Variants in SNX10 observed in about 807,000 individuals in gnomAD.
SNX10 encodes sorting nexin-10.
A neutral mutation model predicts 28.5 loss-of-function variants in SNX10; 25 were observed. That is an observed-to-expected ratio of 0.88 (90% CI 0.64 to 1.22). The LOEUF is 1.22. Ranked by LOEUF, SNX10 falls within the 50% of genes most tolerant of loss-of-function variation. The pLI is 0.00. For synonymous variants in SNX10, 62 were observed against 81.4 expected, an observed-to-expected ratio of 0.76 and a Z score of 1.28; for missense variants, 223 against 242.6, an observed-to-expected ratio of 0.92 and a Z score of 0.54.
intron 1 of SNX10, among the ~76,000 whole-genome samples, chr7:26,306,285 G>A (rs1175876915): frequency 1.3e-5 from 2 of 152,162 alleles, no homozygotes; most frequent in Non-Finnish European, 2.9e-5. Context: ...TTGGACATCC[G>A]TGAGTAAATG....
chr7:26,323,852 G>A (rs1787398462), intron 1 of SNX10, among the ~76,000 whole-genome samples: 1 of 152,268 alleles, frequency 6.6e-6, no homozygotes, highest in African/African-American at 2.4e-5. Flanking sequence ...GTGCCAACAG[G>A]ACATGTATCT....
At chr7:26,361,984 A>G (rs540904264) in intron 3 of SNX10, among the ~76,000 whole-genome samples, 227 of 152,374 alleles carry the variant, frequency 1.5e-3, no homozygotes, top group African/African-American at 5.3e-3. Context: ...GCACAAGTGA[A>G]GTAAAATTTA....
intron 2 of SNX10, among the ~76,000 whole-genome samples, chr7:26,351,064 ATATATG>A (rs1432942079): frequency 1.3e-5 from 2 of 152,168 alleles, no homozygotes; most frequent in Admixed American, 1.3e-4. Flanking sequence ...CTTTTTCTAT[ATATATG>A]TATATGTCAT....
intron 1 of SNX10, among the ~76,000 whole-genome samples, chr7:26,315,406 T>C (rs2127998865): frequency 6.6e-6 from 1 of 152,274 alleles, no homozygotes; most frequent in South Asian, 2.1e-4. Flanking sequence ...TGGTGGCTCA[T>C]GCCTGTAATC....
chr7:26,346,494 TA>T, intron 2 of SNX10, 28 bp downstream of exon 2: 1 of 1,551,690 alleles, frequency 6.4e-7, no homozygotes, highest in Middle Eastern at 1.7e-4. Flanking sequence ...CAAAAATAAA[TA>T]ACCCACTTAT....
chr7:26,344,087 C>T (rs1301838459), intron 1 of SNX10, among the ~76,000 whole-genome samples: 1 of 152,038 alleles, frequency 6.6e-6, no homozygotes, highest in African/African-American at 2.4e-5. Flanking sequence ...TTTCATCTTG[C>T]ACAACTGAAA....
intron 1 of SNX10, among the ~76,000 whole-genome samples, chr7:26,313,866 G>C: frequency 6.6e-6 from 1 of 152,220 alleles, no homozygotes; most frequent in Middle Eastern, 3.4e-3. Context: ...TGCAGTGGAG[G>C]CGCGATCTCG....
chr7:26,363,712 A>G (rs2128023546), intron 3 of SNX10, among the ~76,000 whole-genome samples: 1 of 152,340 alleles, frequency 6.6e-6, no homozygotes, highest in Non-Finnish European at 1.5e-5. Flanking sequence ...TGGGGACACC[A>G]TCGGTGGCTT....
rs1185591169 is a variant in SNX10 at position 26,351,646 on chromosome 7, GTTTTTTTTTTTTGT to G, written c.24+5193_24+5206del. Among the ~76,000 whole-genome samples, 4 of 112,636 alleles carry G rather than the reference GTTTTTTTTTTTTGT, an allele frequency of 3.6e-5. No homozygotes were observed. In the South Asian group the frequency reaches 1.5e-3, roughly 42 times the overall value. The allele number at this position is 112,636 out of a possible 152,430, so 73.9% of individuals were successfully genotyped here. On this transcript the variant is annotated intron_variant, in intron 2 of 6. Coordinates refer to ENST00000338523, the MANE Select transcript of SNX10 (RefSeq NM_013322.3). ...AAAACTAAAGCAATCAAGCAGTCTG[GTTTTTTTTTTTTGT>G]TTTTTTTTTTTTTTGAGACCGAGTC...
At chr7:26,348,331 T>C (rs1296143132) in intron 2 of SNX10, among the ~76,000 whole-genome samples, 1 of 152,224 alleles carries the variant, frequency 6.6e-6, no homozygotes. Flanking sequence ...AGGGCATAGT[T>C]CCCACAGGAC....
At chr7:26,366,841 C>G (rs1789309906) in intron 5 of SNX10, among the ~76,000 whole-genome samples, 2 of 152,252 alleles carry the variant, frequency 1.3e-5, no homozygotes, top group South Asian at 4.1e-4. Context: ...CACAGTTGAT[C>G]TACCCAAATG....
At chr7:26,342,118 C>T (rs1051489082) in intron 1 of SNX10, among the ~76,000 whole-genome samples, 2 of 151,576 alleles carry the variant, frequency 1.3e-5, no homozygotes, top group African/African-American at 4.9e-5. Flanking sequence ...CCTGCACCTC[C>T]CAAGTTCAAG....
chr7:26,373,666 G>C lies in SNX10; in HGVS notation c.*1094G>C. The C allele has an allele frequency of 6.6e-6, 1 of 151,666 alleles. No homozygotes were observed. Among genetic ancestry groups the C allele is most frequent in the Non-Finnish European group, 1.5e-5 (1 of 67,852 alleles). 9.4% of individuals were successfully genotyped at this position (151,666 alleles called of 1,614,324 possible). A position where few individuals can be genotyped will look rare whatever the true frequency, so the allele number is the denominator to read the frequency against. The stretch of plus-strand genomic sequence containing the variant: ...ATTTCAGATGAGGCAACATTTTCTT[G>C]AGATAATTACCCAAGTTTCATCCAT... On this transcript the variant is annotated 3_prime_UTR_variant, in exon 7 of 7. Transcript: ENST00000338523. This position sits in a 1 kb window ranked among gnomAD's most constrained non-coding sequence, Gnocchi z 4.2.
intron 1 of SNX10, among the ~76,000 whole-genome samples, chr7:26,342,880 C>A (rs1584143484): frequency 6.6e-6 from 1 of 152,118 alleles, no homozygotes; most frequent in African/African-American, 2.4e-5. Context: ...GATCATGGCT[C>A]ACCGCAGCGT....
At chr7:26,323,717 G>A (rs766597168) in intron 1 of SNX10, among the ~76,000 whole-genome samples, 35 of 152,322 alleles carry the variant, frequency 2.3e-4, no homozygotes, top group African/African-American at 4.6e-4. Flanking sequence ...AGAATGGATC[G>A]TGTGGGGCAA....
chr7:26,334,650 G>T (rs1787856504), intron 1 of SNX10, among the ~76,000 whole-genome samples: 4 of 152,144 alleles, frequency 2.6e-5, no homozygotes. Flanking sequence ...ATGTCATAGA[G>T]ATTAGCAAGT....
At chr7:26,345,513 TGG>T in intron 1 of SNX10, among the ~76,000 whole-genome samples, 5 of 152,314 alleles carry the variant, frequency 3.3e-5, no homozygotes, top group Admixed American at 3.3e-4. Context: ...AGAGGCCCTG[TGG>T]GGTCTCTCGT....
Position 26,320,683 on chromosome 7 carries a change from C to G in SNX10, c.-23-25737C>G, listed in dbSNP as rs1363700252. ...TCCTGACCTTTTGATCCGCCTGCCT[C>G]GGCCTCCCAAAGTGCTGGGATTACA... On this transcript the variant is annotated intron_variant, in intron 1 of 6. Coordinates refer to ENST00000338523, the MANE Select transcript of SNX10 (RefSeq NM_013322.3). Among the ~76,000 whole-genome samples, 3 of 152,264 alleles carry G rather than the reference C, an allele frequency of 2.0e-5. No individual in the cohort carries two copies. In the East Asian group the frequency reaches 5.8e-4, roughly 29 times the overall value.
chr7:26,306,875 G>T (rs1193574269), intron 1 of SNX10, among the ~76,000 whole-genome samples: 2 of 152,220 alleles, frequency 1.3e-5, no homozygotes, highest in Admixed American at 1.3e-4. Context: ...AGATCATGAA[G>T]CAGGCAGTTA....
Sources: allele counts gnomAD v4.1 joint callset (sites outside exome capture counted in the v4.1 genomes callset), GRCh38; gene constraint gnomAD v4.1.1; non-coding constraint Gnocchi (gnomAD v3.1); transcripts MANE v1.5; gene names NCBI Gene and HGNC (gene_info 2026-07-23, HGNC 2026-07-21).